The following DEUP1 variants were observed in gnomAD, a reference collection of about 807,000 sequenced individuals.
DEUP1 encodes the protein coiled-coil domain containing 67.
DEUP1 carries 82 observed loss-of-function variants against 87.4 expected under a neutral mutation model. That is an observed-to-expected ratio of 0.94 (90% CI 0.78 to 1.13). The LOEUF is 1.13. Among genes scored for constraint, DEUP1 ranks in the 50% most tolerant of loss-of-function variants. The pLI, the probability that DEUP1 is intolerant of heterozygous loss-of-function variation, is 0.00. For synonymous variants in DEUP1, 214 were observed against 222.7 expected (o/e 0.96, Z 0.35); for missense variants, 663 against 681.5 (o/e 0.97, Z 0.30).
intron 11 of DEUP1, among the ~76,000 whole-genome samples, chr11:93,404,922 T>C (rs1947224180): frequency 2.0e-5 from 3 of 152,064 alleles, no homozygotes; most frequent in African/African-American, 7.2e-5. Context: ...TACTCTTAAA[T>C]GTAAAACATG....
At chr11:93,414,150 A>T (rs1432178276) in intron 12 of DEUP1, among the ~76,000 whole-genome samples, 1 of 152,170 alleles carries the variant, frequency 6.6e-6, no homozygotes, top group Non-Finnish European at 1.5e-5. Context: ...TAACTGGAGG[A>T]GCTTAGGAGA....
rs57423323 is a variant in DEUP1 at position 93,413,334 on chromosome 11, C to T, written c.1524-1666C>T. ...TCGGCTCACTGCAAGCTCCGCCTCCCGGGTTCACGCCATTCTCCTGCCTCA... is the reference window on the plus strand; with the variant it reads ...TCGGCTCACTGCAAGCTCCGCCTCCTGGGTTCACGCCATTCTCCTGCCTCA... On this transcript the variant is annotated intron_variant, in intron 12 of 13. Coordinates refer to ENST00000298050, the MANE Select transcript of DEUP1 (RefSeq NM_181645.4). Among the ~76,000 whole-genome samples, 1,191 of 151,832 alleles carry T rather than the reference C, an allele frequency of 7.8e-3. 15 individuals carry two copies. Among genetic ancestry groups the T allele is most frequent in the African/African-American group, 0.028 (1,146 of 41,382 alleles).
At chr11:93,373,625 G>GTGTATATATATATATA (rs796309948) in intron 7 of DEUP1, among the ~76,000 whole-genome samples, 2 of 67,000 alleles carry the variant, frequency 3.0e-5, no homozygotes, top group African/African-American at 8.1e-5. Flanking sequence ...ATATATATAC[G>GTGTATATATATATATA]TATATATATA....
chr11:93,437,599 A>G lies in DEUP1; in HGVS notation c.1695A>G (p.Glu565=). Residue 565 remains glutamate, a synonymous_variant, in exon 14 of 14, where the codon GAA becomes GAG. Coordinates refer to ENST00000298050, the MANE Select transcript of DEUP1 (RefSeq NM_181645.4). ...TGGCTGCACAGCATTTCCTTCTGGAAGAAGAGAAACGAGCAAAAGAACTTG... is the reference window on the plus strand; with the variant it reads ...TGGCTGCACAGCATTTCCTTCTGGAGGAAGAGAAACGAGCAAAAGAACTTG... ...ASLAAQHFLL[E]EEKRAKELEK... 1 of 1,613,728 alleles carries G rather than the reference A, an allele frequency of 6.2e-7. No homozygotes were observed. Among genetic ancestry groups the G allele is most frequent in the Non-Finnish European group, 8.5e-7 (1 of 1,179,668 alleles).
intron 11 of DEUP1, among the ~76,000 whole-genome samples, chr11:93,405,123 G>C (rs1025535522): frequency 6.6e-6 from 1 of 151,708 alleles, no homozygotes; most frequent in Non-Finnish European, 1.5e-5. Context: ...TTTTAACTAA[G>C]CAGCCGACCA....
chr11:93,392,087 T>G (rs1946781644), intron 9 of DEUP1, among the ~76,000 whole-genome samples: 1 of 152,222 alleles, frequency 6.6e-6, no homozygotes, highest in South Asian at 2.1e-4. Context: ...TAAAGCCTGA[T>G]GGTGATCACA....
At chr11:93,333,252 A>T (rs1943578009) in intron 2 of DEUP1, among the ~76,000 whole-genome samples, 1 of 152,210 alleles carries the variant, frequency 6.6e-6, no homozygotes, top group Non-Finnish European at 1.5e-5. Context: ...TCTGTTTCAT[A>T]TAGTCGTCAC....
intron 2 of DEUP1, among the ~76,000 whole-genome samples, chr11:93,336,268 T>G (rs1172424012): frequency 6.6e-6 from 1 of 152,070 alleles, no homozygotes; most frequent in Non-Finnish European, 1.5e-5. Context: ...GGGAGTTGCA[T>G]CTCCTGAGAA....
intron 7 of DEUP1, among the ~76,000 whole-genome samples, chr11:93,382,655 C>G (rs760473527): frequency 1.3e-5 from 2 of 152,096 alleles, no homozygotes; most frequent in African/African-American, 4.8e-5. Flanking sequence ...AAAGCAGATG[C>G]ACTTTTCTAC....
At chr11:93,363,693 C>T (rs79346202) in intron 4 of DEUP1, among the ~76,000 whole-genome samples, 5,076 of 151,752 alleles carry the variant, frequency 0.033, 141 homozygotes, top group Non-Finnish European at 0.052. Flanking sequence ...TTTATTTAAA[C>T]GTATCCACAT....
chr11:93,372,899 G>A, intron 7 of DEUP1, among the ~76,000 whole-genome samples: 1 of 152,180 alleles, frequency 6.6e-6, no homozygotes, highest in East Asian at 1.9e-4. Context: ...GTGCCTAGGG[G>A]CTTCTAAGTG....
chr11:93,409,006 G>A (rs548032983), intron 12 of DEUP1, among the ~76,000 whole-genome samples: 36 of 151,920 alleles, frequency 2.4e-4, no homozygotes, highest in African/African-American at 6.3e-4. Flanking sequence ...ACAGGCCCCC[G>A]CCACTACACC....
chr11:93,405,867 A>G (rs898209293), intron 11 of DEUP1, among the ~76,000 whole-genome samples: 2 of 151,912 alleles, frequency 1.3e-5, no homozygotes, highest in African/African-American at 4.8e-5. Flanking sequence ...ACTTTGAACC[A>G]TAGATATTTG....
At chr11:93,397,255 C>G (rs904679524) in intron 11 of DEUP1, among the ~76,000 whole-genome samples, 6 of 152,100 alleles carry the variant, frequency 3.9e-5, no homozygotes, top group African/African-American at 1.4e-4. Flanking sequence ...GGTCCATATT[C>G]TAGCATCAAA....
chr11:93,332,775 A>G (rs1565285641), intron 2 of DEUP1, among the ~76,000 whole-genome samples: 1 of 152,246 alleles, frequency 6.6e-6, no homozygotes, highest in African/African-American at 2.4e-5. Flanking sequence ...TAAAATTTGT[A>G]TAGCATTTGT....
chr11:93,331,048 C>T (rs1342245021), intron 1 of DEUP1, among the ~76,000 whole-genome samples: 1 of 152,242 alleles, frequency 6.6e-6, no homozygotes, highest in Non-Finnish European at 1.5e-5. Flanking sequence ...CTTAACTTGT[C>T]TGTGCCTCAG....
At chr11:93,430,569 T>C (rs1480000046) in intron 13 of DEUP1, among the ~76,000 whole-genome samples, 1 of 152,158 alleles carries the variant, frequency 6.6e-6, no homozygotes, top group African/African-American at 2.4e-5. Context: ...GATTGGTGGT[T>C]ACCAGGGGCA....
In DEUP1 at chr11:93,371,216, A is replaced by C; in HGVS notation, c.725A>C (p.Asn242Thr). ...SAVNEIALSR[N>T]KLQDENQKLL... ...GTAAATGAGATAGCACTAAGCAGGA[A>C]TAAATTACAAGATGAAAATCAGAAG... The change falls in exon 7 of 14, where the codon AAT becomes ACT. Residue 242 changes from asparagine (N) to threonine (T), a missense_variant. Asn to Thr is a moderately conservative substitution (Grantham distance 65, BLOSUM62 0). Transcript: ENST00000298050. The C allele has an allele frequency of 6.2e-7, 1 of 1,613,358 alleles. No homozygotes were observed. The highest frequency in any genetic ancestry group is 8.5e-7 in the Non-Finnish European group (1 of 1,179,584).
intron 13 of DEUP1, among the ~76,000 whole-genome samples, chr11:93,427,195 G>A (rs1222271608): frequency 6.6e-6 from 1 of 150,502 alleles, no homozygotes; most frequent in African/African-American, 2.4e-5. Context: ...GAACAAAGCT[G>A]GAGGCATCAT....
Sources: gnomAD v4.1 joint callset for allele counts (sites outside exome capture counted in the v4.1 genomes callset) on GRCh38, gnomAD v4.1.1 for gene constraint, MANE v1.5 for transcripts, NCBI Gene and HGNC (gene_info 2026-07-23, HGNC 2026-07-21) for gene names.